KIF15: variants seen among roughly 807,000 people sequenced by gnomAD.
The protein encoded by KIF15 is kinesin family member 15.
A neutral mutation model predicts 190.6 loss-of-function variants in KIF15; 140 were observed. That is an observed-to-expected ratio of 0.73 (90% CI 0.64 to 0.84). The LOEUF (loss-of-function observed/expected upper bound fraction) is 0.84, where lower values mean the gene tolerates loss of function less well. Ranked by LOEUF, KIF15 falls within the 40% of genes least tolerant of loss-of-function variation. The pLI, the probability that KIF15 is intolerant of heterozygous loss-of-function variation, is 0.00. For missense variants in KIF15, 1,372 were observed against 1,584.4 expected (o/e 0.87, Z 2.28); for synonymous variants, 528 against 551.3 (o/e 0.96, Z 0.59).
intron 6 of KIF15, among the ~76,000 whole-genome samples, chr3:44,860,377 G>A (rs774077458): frequency 1.3e-5 from 2 of 151,478 alleles, no homozygotes; most frequent in Non-Finnish European, 2.9e-5. Context: ...GAAATTATCC[G>A]TGTTTTTTTT....
intron 1 of KIF15, 104 bp downstream of exon 1, chr3:44,761,988 C>A: frequency 1.4e-6 from 2 of 1,430,572 alleles, no homozygotes; most frequent in Non-Finnish European, 2.0e-6. Context: ...TAGGCATGAA[C>A]TGCAGGAGCT....
intron 10 of KIF15, among the ~76,000 whole-genome samples, chr3:44,798,968 A>G (rs1707127631): frequency 6.6e-6 from 1 of 152,192 alleles, no homozygotes; most frequent in African/African-American, 2.4e-5. Flanking sequence ...CAGGAGGTCC[A>G]TGTTGCCCCT....
In KIF15 at chr3:44,862,072, G is replaced by A. The variant is rs763501760; in HGVS notation, c.*59+9278G>A. On this transcript the variant is annotated intron_variant and NMD_transcript_variant, in intron 6 of 6. Transcript: ENST00000422209. ...CAACTGTCTGTGCGCCGGCGCGTTC[G>A]GGGCCCTGGCCGCCGCCTCCGCCAA... 2.3e-6 allele frequency: 3 copies of A among 1,313,296 alleles called. No homozygotes were observed. In the Admixed American group the frequency reaches 1.0e-4, roughly 45 times the overall value. The allele number at this position is 1,313,296 out of a possible 1,614,324, so 81.4% of individuals were successfully genotyped here.
intron 10 of KIF15, among the ~76,000 whole-genome samples, chr3:44,798,428 C>T (rs183506912): frequency 6.6e-6 from 1 of 151,640 alleles, no homozygotes; most frequent in African/African-American, 2.4e-5. Context: ...TGCAGTGGTG[C>T]GATCTCTGCT....
intron 16 of KIF15, among the ~76,000 whole-genome samples, chr3:44,806,255 A>T (rs1008889260): frequency 6.6e-6 from 1 of 152,222 alleles, no homozygotes; most frequent in Non-Finnish European, 1.5e-5. Context: ...TCTGAGCCTT[A>T]TCTTTCTTTT....
chr3:44,829,677 G>A (rs1351973836), intron 24 of KIF15, among the ~76,000 whole-genome samples: 3 of 120,046 alleles, frequency 2.5e-5, no homozygotes, highest in African/African-American at 1.1e-4. Context: ...TATAATATAT[G>A]TATATATATT....
intron 6 of KIF15, among the ~76,000 whole-genome samples, chr3:44,867,485 C>T (rs541885780): frequency 1.3e-5 from 2 of 152,330 alleles, no homozygotes; most frequent in African/African-American, 2.4e-5. Context: ...AGCTGGTGGT[C>T]GGCCTCCCTG....
intron 4 of KIF15, among the ~76,000 whole-genome samples, chr3:44,780,251 T>C (rs1575585618): frequency 6.6e-6 from 1 of 152,242 alleles, no homozygotes; most frequent in Admixed American, 6.5e-5. Context: ...TTTTTACTTT[T>C]AGTTTTTTGT....
At chr3:44,838,460 G>A in intron 27 of KIF15, 39 bp downstream of exon 27, 1 of 1,588,802 alleles carries the variant, frequency 6.3e-7, no homozygotes, top group Middle Eastern at 1.7e-4. Flanking sequence ...TGGGAGACAA[G>A]AGACCAAGTG....
chr3:44,778,996 A>AAAG, intron 4 of KIF15, among the ~76,000 whole-genome samples: 1 of 151,512 alleles, frequency 6.6e-6, no homozygotes, highest in South Asian at 2.1e-4. Flanking sequence ...AAAAAAAAAA[A>AAAG]AAAAACCAAA....
intron 23 of KIF15, 21 bp from the exon 24 acceptor site, chr3:44,828,193 A>G (rs114723764): frequency 1.5e-5 from 24 of 1,572,126 alleles, no homozygotes; most frequent in Non-Finnish European, 2.0e-5. Context: ...TTCTTCTAAA[A>G]ATATTTCTTT....
chr3:44,775,876 C>T (rs557927574), intron 3 of KIF15, among the ~76,000 whole-genome samples: 82 of 151,576 alleles, frequency 5.4e-4, no homozygotes, highest in Non-Finnish European at 1.0e-3. Flanking sequence ...GTCAGGAGAT[C>T]GAGATCATCC....
chr3:44,775,152 G>T, intron 2 of KIF15, 102 bp from the exon 3 acceptor site: 1 of 915,336 alleles, frequency 1.1e-6, no homozygotes, highest in East Asian at 2.4e-5. Context: ...CTTTGTTGGA[G>T]AAACTCATTA....
At position 44,786,575 on chromosome 3, in the gene KIF15, G is replaced by T. The variant is rs778762764; in HGVS notation, c.639+1G>T. On this transcript the variant is annotated splice_donor_variant, in intron 7 of 34. Coordinates refer to ENST00000326047, the MANE Select transcript of KIF15 (RefSeq NM_020242.3). LOFTEE classifies it high-confidence loss of function. ...AACCTCAGCTGCTGAAGCCTATCAGGTACCCTGCCATGAGTACTTAATTGG... is the reference window on the plus strand; with the variant it reads ...AACCTCAGCTGCTGAAGCCTATCAGTTACCCTGCCATGAGTACTTAATTGG... The T allele has an allele frequency of 6.2e-7, 1 of 1,606,684 alleles. No individual in the cohort carries two copies.
intron 26 of KIF15, among the ~76,000 whole-genome samples, chr3:44,833,554 T>C (rs889513001): frequency 1.3e-5 from 2 of 152,092 alleles, no homozygotes; most frequent in African/African-American, 4.8e-5. Context: ...TTAATGCTTC[T>C]GTGAGAATCT....
chr3:44,775,481 G>C (rs773735123), intron 3 of KIF15, 44 bp downstream of exon 3: 22 of 1,420,606 alleles, frequency 1.5e-5, no homozygotes, highest in Non-Finnish European at 2.1e-5. Context: ...TTTTGAAAAG[G>C]AGTCTCACTC....
In KIF15 at chr3:44,795,828, C is replaced by T. The variant is rs371931097; in HGVS notation, c.849+1402C>T. On this transcript the variant is annotated intron_variant, in intron 8 of 34. Transcript: ENST00000326047. ...CATTAAAAGTGAGGATTTGAGTCGC[C>T]TGACCTACATTTGAGGCAGTTTCAG... is the stretch of plus-strand genomic sequence containing the variant. Among the ~76,000 whole-genome samples the T allele has an allele frequency of 4.1e-3, 631 of 152,132 alleles. 7 individuals carry two copies. Among genetic ancestry groups the T allele is most frequent in the African/African-American group, 0.014 (596 of 41,514 alleles).
At chr3:44,808,608 T>A (rs974764509) in intron 16 of KIF15, among the ~76,000 whole-genome samples, 4 of 151,076 alleles carry the variant, frequency 2.6e-5, no homozygotes, top group Admixed American at 6.6e-5. Flanking sequence ...TTTTTTTTTT[T>A]TAAAAAAAAA....
chr3:44,793,860 GTTCCTTTTTTTTTCTCTT>G (rs1162961456), intron 7 of KIF15, among the ~76,000 whole-genome samples: 1 of 143,558 alleles, frequency 7.0e-6, no homozygotes, highest in African/African-American at 2.6e-5. Flanking sequence ...ACCTATTCTT[GTTCCTTTTTTTTTCTCTT>G]TTCCTTTTTT....
Sources: allele counts gnomAD v4.1 joint callset (sites outside exome capture counted in the v4.1 genomes callset), GRCh38; gene constraint gnomAD v4.1.1; transcripts MANE v1.5; gene names NCBI Gene and HGNC (gene_info 2026-07-23, HGNC 2026-07-21).